HDX: variants seen among roughly 807,000 people sequenced by gnomAD.
HDX encodes highly divergent homeobox.
A neutral mutation model predicts 45.2 loss-of-function variants in HDX; 19 were observed. That is an observed-to-expected ratio of 0.42 (90% CI 0.29 to 0.62). The LOEUF is 0.62. HDX is among the 20% of genes least tolerant of loss of function. The pLI, the probability that HDX is intolerant of heterozygous loss-of-function variation, is 0.20. For synonymous variants in HDX, 188 were observed against 172.8 expected, an observed-to-expected ratio of 1.09 and a Z score of -0.69; for missense variants, 532 against 493.9, an observed-to-expected ratio of 1.08 and a Z score of -0.73.
At position 84,365,129 on chromosome X, in the gene HDX, G is replaced by C. The variant is rs1387892392; in HGVS notation, c.1306-3517C>G. On this transcript the variant is annotated intron_variant, in intron 5 of 10. Coordinates refer to ENST00000373177, the MANE Select transcript of HDX (RefSeq NM_001177479.2). ...TTTTTCAATACCAGATGTGAGATTGGTGGATAATATGGTAATTCTATTTTT... is the reference window on the plus strand; with the variant it reads ...TTTTTCAATACCAGATGTGAGATTGCTGGATAATATGGTAATTCTATTTTT... Among the ~76,000 whole-genome samples the C allele has an allele frequency of 3.6e-5, 4 of 110,542 alleles. 1 individual carries two copies.
intron 6 of HDX, among the ~76,000 whole-genome samples, chrX:84,357,237 T>G (rs1481165062): frequency 9.0e-6 from 1 of 111,331 alleles, no homozygotes; most frequent in East Asian, 2.8e-4. Flanking sequence ...TTGGAGCAGA[T>G]CAGAAAAATG....
intron 9 of HDX, among the ~76,000 whole-genome samples, chrX:84,327,496 G>A (rs1446438596): frequency 3.6e-5 from 4 of 111,562 alleles, no homozygotes; most frequent in Non-Finnish European, 3.8e-5. Context: ...AAAAATGGTC[G>A]ATTGATTTTC....
chrX:84,436,966 C>T (rs1159492648), intron 5 of HDX, among the ~76,000 whole-genome samples: 1 of 110,265 alleles, frequency 9.1e-6, no homozygotes, highest in Non-Finnish European at 1.9e-5. Context: ...TATTGTATTA[C>T]AGTCTATCTG....
intron 5 of HDX, among the ~76,000 whole-genome samples, chrX:84,373,192 A>G (rs2037941400): frequency 1.8e-5 from 2 of 111,516 alleles, no homozygotes; most frequent in South Asian, 7.5e-4. Flanking sequence ...TAACTTACTC[A>G]TGTTTGAAAG....
At position 84,463,549 on chromosome X, in the gene HDX, C is replaced by A. The variant is rs775767818; in HGVS notation, c.1251+4923G>T. Among the ~76,000 whole-genome samples the A allele has an allele frequency of 4.5e-5, 5 of 111,200 alleles. No homozygotes were observed. The South Asian group carries it at 1.9e-3, about 42-fold the overall frequency. ...ATTAATTCCAAAGACCTTCTAAAAT[C>A]CATGAGAAATGGGAATGCAATTAAT... is the stretch of plus-strand genomic sequence containing the variant. On this transcript the variant is annotated intron_variant, in intron 4 of 10. Transcript: ENST00000373177.
At chrX:84,470,125 T>G (rs1013038659) in intron 3 of HDX, among the ~76,000 whole-genome samples, 2 of 111,895 alleles carry the variant, frequency 1.8e-5, no homozygotes, top group African/African-American at 3.2e-5. Context: ...ATCAGATTAT[T>G]TATAGTATTT....
intron 5 of HDX, among the ~76,000 whole-genome samples, chrX:84,399,396 C>T (rs2038644999): frequency 9.0e-6 from 1 of 111,041 alleles, no homozygotes; most frequent in Non-Finnish European, 1.9e-5. Flanking sequence ...CCACTGACCC[C>T]ACAGAAATAC....
chrX:84,408,947 A>C (rs2038910734), intron 5 of HDX, among the ~76,000 whole-genome samples: 1 of 110,909 alleles, frequency 9.0e-6, no homozygotes, highest in Non-Finnish European at 1.9e-5. Flanking sequence ...CATTTACCAG[A>C]GCTAGAAGCC....
At chrX:84,366,304 C>G (rs1389542333) in intron 5 of HDX, among the ~76,000 whole-genome samples, 1 of 111,387 alleles carries the variant, frequency 9.0e-6, no homozygotes, top group Non-Finnish European at 1.9e-5. Flanking sequence ...TCAAGGAGAA[C>G]TACAAACCAC....
intron 5 of HDX, among the ~76,000 whole-genome samples, chrX:84,366,017 C>A (rs1475381334): frequency 9.0e-6 from 1 of 111,297 alleles, no homozygotes; most frequent in Non-Finnish European, 1.9e-5. Context: ...TAAAGGAATT[C>A]AAATAGGAAG....
chrX:84,360,727 T>G (rs756276515), intron 6 of HDX, among the ~76,000 whole-genome samples: 1 of 111,942 alleles, frequency 8.9e-6, no homozygotes, highest in South Asian at 3.7e-4. Flanking sequence ...GGTTCATCCG[T>G]TTTATAGCAC....
intron 5 of HDX, among the ~76,000 whole-genome samples, chrX:84,413,628 A>AT (rs764417041): frequency 9.9e-5 from 11 of 111,050 alleles, no homozygotes; most frequent in Admixed American, 5.8e-4. Context: ...CTTGTTAACT[A>AT]TTTTTTTTAG....
intron 8 of HDX, among the ~76,000 whole-genome samples, chrX:84,336,321 A>G (rs921095010): frequency 1.8e-5 from 2 of 111,079 alleles, no homozygotes; most frequent in Non-Finnish European, 3.8e-5. Flanking sequence ...ACCAGAGTAC[A>G]ATTTAACTAT....
chrX:84,408,499 G>GTTTTTTTTTTTTTT (rs1220751208), intron 5 of HDX, among the ~76,000 whole-genome samples: 2 of 44,444 alleles, frequency 4.5e-5, no homozygotes, highest in Non-Finnish European at 3.9e-5. Flanking sequence ...CTCCAGCTTT[G>GTTTTTTTTTTTTTT]TTTTTTTTTT....
chrX:84,448,933 T>C (rs1380774602), intron 4 of HDX, among the ~76,000 whole-genome samples: 2 of 109,545 alleles, frequency 1.8e-5, no homozygotes, highest in Non-Finnish European at 3.8e-5. Flanking sequence ...AGAAATGTAC[T>C]AAAAAGATAG....
chrX:84,355,890 A>C (rs935605057), intron 6 of HDX, among the ~76,000 whole-genome samples: 2 of 103,168 alleles, frequency 1.9e-5, no homozygotes, highest in African/African-American at 7.2e-5. Flanking sequence ...ATGTAGCAGG[A>C]CAAAAAAAAA....
chrX:84,356,526 T>C (rs1159841569), intron 6 of HDX, among the ~76,000 whole-genome samples: 1 of 110,839 alleles, frequency 9.0e-6, no homozygotes, highest in Non-Finnish European at 1.9e-5. Flanking sequence ...GGGGAACTGA[T>C]GTTAATAGTT....
chrX:84,442,424 G>A (rs1478993084), intron 4 of HDX, among the ~76,000 whole-genome samples: 1 of 110,234 alleles, frequency 9.1e-6, no homozygotes, highest in Non-Finnish European at 1.9e-5. Flanking sequence ...CAAGGAATAA[G>A]CTAAACATGA....
chrX:84,365,533 C>T (rs1205774093), intron 5 of HDX, among the ~76,000 whole-genome samples: 1 of 111,648 alleles, frequency 9.0e-6, no homozygotes, highest in African/African-American at 3.3e-5. Context: ...ACTCCTGGTT[C>T]CCAAAGGAGG....
Sources: allele counts gnomAD v4.1 joint callset (sites outside exome capture counted in the v4.1 genomes callset), GRCh38; gene constraint gnomAD v4.1.1; transcripts MANE v1.5; gene names NCBI Gene and HGNC (gene_info 2026-07-23, HGNC 2026-07-21).